Variants in BLTP3A observed in about 807,000 individuals in gnomAD.
The protein encoded by BLTP3A is bridge-like lipid transfer protein family member 3A.
the BLTP3A span, among the ~76,000 whole-genome samples, chr6:34,813,622 T>C: frequency 6.6e-6 from 1 of 152,268 alleles, no homozygotes; most frequent in Non-Finnish European, 1.5e-5. Flanking sequence ...TTAGCCTTTT[T>C]AGCTGCCCTT....
At chr6:34,833,968 G>A in the BLTP3A span, among the ~76,000 whole-genome samples, 6 of 150,976 alleles carry the variant, frequency 4.0e-5, no homozygotes, top group Non-Finnish European at 8.8e-5. Flanking sequence ...CAAGCACAGT[G>A]GCTCATACCT....
the BLTP3A span, among the ~76,000 whole-genome samples, chr6:34,809,549 TTTTG>T: frequency 1.3e-5 from 2 of 152,076 alleles, no homozygotes; most frequent in Admixed American, 6.6e-5. Flanking sequence ...CAAAAACGTT[TTTTG>T]TTTTTTTGTT....
the BLTP3A span, chr6:34,821,785 T>G: frequency 6.2e-7 from 1 of 1,614,162 alleles, no homozygotes; most frequent in Non-Finnish European, 8.5e-7. Flanking sequence ...TAGCCATCAC[T>G]CGGGTCTACT....
the BLTP3A span, among the ~76,000 whole-genome samples, chr6:34,831,128 A>ATT: frequency 4.2e-5 from 6 of 142,606 alleles, no homozygotes; most frequent in Admixed American, 7.0e-5. Flanking sequence ...ATCACTCTTA[A>ATT]TTTTTTTTTT....
chr6:34,792,404 C>A, the BLTP3A span: 1 of 1,138,178 alleles, frequency 8.8e-7, no homozygotes, highest in Non-Finnish European at 1.2e-6. Flanking sequence ...CAGCCCGGAG[C>A]CCGGACTCCG....
the BLTP3A span, chr6:34,864,224 G>C: frequency 1.2e-6 from 2 of 1,603,408 alleles, no homozygotes; most frequent in Non-Finnish European, 1.7e-6. Context: ...GCCAGGCAAA[G>C]TTGCAGAAGT....
At chr6:34,846,602 T>C in the BLTP3A span, among the ~76,000 whole-genome samples, 22 of 152,252 alleles carry the variant, frequency 1.4e-4, no homozygotes, top group Admixed American at 1.4e-3. Flanking sequence ...CTGATTTTTG[T>C]GTATTGATTT....
the BLTP3A span, among the ~76,000 whole-genome samples, chr6:34,852,645 T>C: frequency 1.4e-5 from 2 of 146,512 alleles, no homozygotes; most frequent in Admixed American, 1.4e-4. Flanking sequence ...GGGGGAGGGG[T>C]GATGCAAGCA....
chr6:34,806,358 A>G, the BLTP3A span, among the ~76,000 whole-genome samples: 1 of 152,174 alleles, frequency 6.6e-6, no homozygotes, highest in African/African-American at 2.4e-5. Context: ...CATTAACCCT[A>G]GCCAGTTGAA....
the BLTP3A span, among the ~76,000 whole-genome samples, chr6:34,820,858 C>T: frequency 1.5e-5 from 2 of 134,382 alleles, no homozygotes; most frequent in African/African-American, 3.1e-5. Flanking sequence ...CGCTGTGTTG[C>T]CCAGGCTTGT....
the BLTP3A span, among the ~76,000 whole-genome samples, chr6:34,826,026 A>ATTCTTTTTT: frequency 1.3e-5 from 1 of 76,646 alleles, no homozygotes; most frequent in East Asian, 3.7e-4. Flanking sequence ...TACATTTTGC[A>ATTCTTTTTT]TTTTTTTTTT....
the BLTP3A span, among the ~76,000 whole-genome samples, chr6:34,826,685 T>G: frequency 6.6e-6 from 1 of 152,184 alleles, no homozygotes; most frequent in African/African-American, 2.4e-5. Flanking sequence ...TCTTTATACA[T>G]GTTTTTTTTG....
chr6:34,859,705 C>A, the BLTP3A span: 24 of 1,333,138 alleles, frequency 1.8e-5, no homozygotes, highest in Admixed American at 5.5e-4. Flanking sequence ...ATAGAATGGC[C>A]TATTTAATGG....
the BLTP3A span, among the ~76,000 whole-genome samples, chr6:34,842,814 A>T: frequency 6.6e-6 from 1 of 152,140 alleles, no homozygotes; most frequent in African/African-American, 2.4e-5. Flanking sequence ...CTGTGGTTAG[A>T]GGACTTTCTC....
the BLTP3A span, chr6:34,835,007 A>T: frequency 5.4e-5 from 61 of 1,122,958 alleles, no homozygotes; most frequent in African/African-American, 8.8e-4. Flanking sequence ...GTTGCTCAAC[A>T]TCCTCTAGTA....
At chr6:34,847,628 T>A in the BLTP3A span, among the ~76,000 whole-genome samples, 1 of 151,948 alleles carries the variant, frequency 6.6e-6, no homozygotes, top group Non-Finnish European at 1.5e-5. Context: ...TTCTGCAGTA[T>A]TGGTTATAGT....
chr6:34,862,583 C>T, the BLTP3A span, among the ~76,000 whole-genome samples: 1 of 151,934 alleles, frequency 6.6e-6, no homozygotes, highest in African/African-American at 2.4e-5. Context: ...GCCTGTAATC[C>T]CGGCACTTTG....
At chr6:34,821,557 T>C in the BLTP3A span, 1 of 1,224,178 alleles carries the variant, frequency 8.2e-7, no homozygotes, top group East Asian at 2.5e-5. Flanking sequence ...TGTTCTTTAA[T>C]TTTTTCTTTT....
At chr6:34,847,921 C>CTTTTTTTTTTTTT in the BLTP3A span, among the ~76,000 whole-genome samples, 4 of 91,174 alleles carry the variant, frequency 4.4e-5, no homozygotes, top group African/African-American at 1.0e-4. Flanking sequence ...TCTTTTTTTC[C>CTTTTTTTTTTTTT]TTTTTTTTTT....
Sources: allele counts gnomAD v4.1 joint callset (sites outside exome capture counted in the v4.1 genomes callset), GRCh38; gene constraint gnomAD v4.1.1; transcripts MANE v1.5; gene names NCBI Gene and HGNC (gene_info 2026-07-23, HGNC 2026-07-21).